INPP5D: variants seen among roughly 807,000 people sequenced by gnomAD.
The protein encoded by INPP5D is phosphatidylinositol 3,4,5-trisphosphate 5-phosphatase 1.
In INPP5D, 33 loss-of-function variants were observed where a neutral mutation model predicts 122.9. That is an observed-to-expected ratio of 0.27 (90% confidence interval 0.20 to 0.36). The LOEUF (loss-of-function observed/expected upper bound fraction) is 0.36, where lower values mean the gene tolerates loss of function less well. Ranked by LOEUF, INPP5D falls within the 10% of genes least tolerant of loss-of-function variation. The probability of loss-of-function intolerance (pLI) is 1.00; values close to 1 mark genes in which losing one functional copy is unlikely to be tolerated. For missense variants in INPP5D, 1,053 were observed against 1,412.7 expected (o/e 0.75, Z 4.08); for synonymous variants, 584 against 576.2 (o/e 1.01, Z -0.19).
At chr2:233,129,814 T>G (rs1185538803) in intron 4 of INPP5D, among the ~76,000 whole-genome samples, 1 of 152,100 alleles carries the variant, frequency 6.6e-6, no homozygotes, top group East Asian at 1.9e-4. Context: ...AGCCCTCAGA[T>G]CCTATCTTTA....
chr2:233,152,577 A>G (rs887471618), intron 9 of INPP5D, among the ~76,000 whole-genome samples: 34 of 152,238 alleles, frequency 2.2e-4, no homozygotes, highest in African/African-American at 6.8e-4. Flanking sequence ...GGGGATTTAA[A>G]TAGAAAAATA....
chr2:233,068,809 T>C (rs775852648), intron 1 of INPP5D, among the ~76,000 whole-genome samples: 3 of 152,018 alleles, frequency 2.0e-5, no homozygotes, highest in Non-Finnish European at 2.9e-5. Context: ...CTCAGAGAGA[T>C]GGAAGCAGGA....
chr2:233,118,951 C>T (rs1252519102), intron 2 of INPP5D, among the ~76,000 whole-genome samples: 2 of 152,242 alleles, frequency 1.3e-5, no homozygotes, highest in Admixed American at 6.5e-5. Flanking sequence ...GCCAGGCACA[C>T]GCGGTGGCCT....
chr2:233,179,977 A>G (rs1288832366), intron 18 of INPP5D, among the ~76,000 whole-genome samples: 2 of 152,166 alleles, frequency 1.3e-5, no homozygotes, highest in Non-Finnish European at 2.9e-5. Context: ...AGTTGGTGTC[A>G]TCTGGGCACA....
intron 13 of INPP5D, among the ~76,000 whole-genome samples, chr2:233,169,064 G>A (rs1050721595): frequency 2.0e-5 from 3 of 152,052 alleles, no homozygotes; most frequent in East Asian, 3.8e-4. Flanking sequence ...GGGGAGGATC[G>A]CAGCAGCCAC....
intron 1 of INPP5D, among the ~76,000 whole-genome samples, chr2:233,063,039 A>C (rs1416094399): frequency 2.0e-5 from 3 of 152,022 alleles, no homozygotes; most frequent in Non-Finnish European, 4.4e-5. Context: ...CTTGAAAAAC[A>C]AACCCTACCA....
chr2:233,199,762 G>A (rs1695284508), intron 25 of INPP5D, among the ~76,000 whole-genome samples: 1 of 152,084 alleles, frequency 6.6e-6, no homozygotes, highest in Non-Finnish European at 1.5e-5. Flanking sequence ...CCGGGACGCA[G>A]AGGTTGCAGT....
chr2:233,133,809 G>C (rs1171928204), intron 5 of INPP5D, among the ~76,000 whole-genome samples: 1 of 152,108 alleles, frequency 6.6e-6, no homozygotes, highest in Non-Finnish European at 1.5e-5. Flanking sequence ...AGACCAGCTG[G>C]GAGTGGCTGT....
Position 233,164,059 on chromosome 2 carries a change from A to G in INPP5D, c.1437+156A>G, listed in dbSNP as rs991656089. On this transcript the variant is annotated intron_variant, in intron 12 of 26. Coordinates refer to ENST00000445964, the MANE Select transcript of INPP5D (RefSeq NM_001017915.3). This position sits in a 1 kb window ranked among gnomAD's most constrained non-coding sequence, Gnocchi z 4.3. The stretch of plus-strand genomic sequence containing the variant: ...GAGATGCGTCTGTATTCAGAAATAA[A>G]TGGGATCTGTGGGGTATTGCTGAAA... 2.1e-6 allele frequency: 3 copies of G among 1,405,430 alleles called. No homozygotes were observed. In the Admixed American group the frequency reaches 8.5e-5, roughly 40 times the overall value. The allele number at this position is 1,405,430 out of a possible 1,614,324, so 87.1% of individuals were successfully genotyped here.
At chr2:233,088,268 CCCG>C (rs2106219338) in intron 2 of INPP5D, among the ~76,000 whole-genome samples, 1 of 152,340 alleles carries the variant, frequency 6.6e-6, no homozygotes, top group South Asian at 2.1e-4. Context: ...AGCCACCAGC[CCCG>C]CCAAGGTTCT....
Position 233,089,335 on chromosome 2 carries a change from A to G in INPP5D, c.198+9937A>G, listed in dbSNP as rs144914487. ...GGAAGGGTTTACTACTATTGTTGCT[A>G]TGATCACTATTCCCATTTTTAAATT... On this transcript the variant is annotated intron_variant, in intron 2 of 26. Coordinates refer to ENST00000445964, the MANE Select transcript of INPP5D (RefSeq NM_001017915.3). Among the ~76,000 whole-genome samples the G allele has an allele frequency of 1.2e-3, 182 of 152,316 alleles. 1 individual carries two copies. The East Asian group carries it at 0.019, about 15-fold the overall frequency.
At chr2:233,168,005 CAAAAAAAAA>C (rs58025565) in intron 13 of INPP5D, among the ~76,000 whole-genome samples, 1 of 72,712 alleles carries the variant, frequency 1.4e-5, no homozygotes, top group East Asian at 4.6e-4. Flanking sequence ...ACTCTGTCTC[CAAAAAAAAA>C]AAAAAAAAAA....
intron 5 of INPP5D, among the ~76,000 whole-genome samples, chr2:233,138,832 G>T (rs1363231419): frequency 6.6e-6 from 1 of 151,812 alleles, no homozygotes; most frequent in African/African-American, 2.4e-5. Context: ...TGCAAGCTCT[G>T]TCTCCCGGGT....
At chr2:233,126,465 T>C (rs1013067898) in intron 4 of INPP5D, among the ~76,000 whole-genome samples, 3 of 152,210 alleles carry the variant, frequency 2.0e-5, no homozygotes, top group Non-Finnish European at 4.4e-5. Flanking sequence ...TGTTCCTATT[T>C]CCACCTGGAC....
At chr2:233,090,992 A>G (rs1408157762) in intron 2 of INPP5D, among the ~76,000 whole-genome samples, 1 of 151,648 alleles carries the variant, frequency 6.6e-6, no homozygotes, top group African/African-American at 2.4e-5. Flanking sequence ...GTAACTTGGA[A>G]GTCTACAAGA....
At chr2:233,071,357 T>TA (rs1409058279) in intron 1 of INPP5D, among the ~76,000 whole-genome samples, 1 of 152,178 alleles carries the variant, frequency 6.6e-6, no homozygotes, top group East Asian at 1.9e-4. Flanking sequence ...CAAAACCTCT[T>TA]ACTGAATAAC....
chr2:233,079,270 T>C, intron 1 of INPP5D, 65 bp from the exon 2 acceptor site: 2 of 1,027,430 alleles, frequency 1.9e-6, no homozygotes, highest in Non-Finnish European at 3.1e-6. Context: ...AAGTCTTGTC[T>C]TTTCAGTTAA....
chr2:233,167,593 A>G (rs1694378093), intron 13 of INPP5D, among the ~76,000 whole-genome samples: 1 of 152,110 alleles, frequency 6.6e-6, no homozygotes, highest in Non-Finnish European at 1.5e-5. Context: ...AGCTAGGTGC[A>G]GTGGAGAGGG....
chr2:233,193,760 C>T (rs1695110754), intron 22 of INPP5D, 52 bp from the exon 23 acceptor site: 1 of 1,612,532 alleles, frequency 6.2e-7, no homozygotes, highest in Non-Finnish European at 8.5e-7. Flanking sequence ...TTTGGTGTTT[C>T]TGCCATGAAA....
Sources: gnomAD v4.1 joint callset for allele counts (sites outside exome capture counted in the v4.1 genomes callset) on GRCh38, gnomAD v4.1.1 for gene constraint, Gnocchi (gnomAD v3.1) non-coding constraint, MANE v1.5 for transcripts, NCBI Gene and HGNC (gene_info 2026-07-23, HGNC 2026-07-21) for gene names.